Variants in UBXN8 observed in about 807,000 individuals in gnomAD.
UBXN8 encodes the protein UBX domain protein 8.
In UBXN8, 27 loss-of-function variants were observed where a neutral mutation model predicts 32.1. That is an observed-to-expected ratio of 0.84 (90% CI 0.62 to 1.16). UBXN8 has a LOEUF of 1.16. UBXN8 is among the 50% of genes most tolerant of loss of function. The pLI, the probability that UBXN8 is intolerant of heterozygous loss-of-function variation, is 0.00. For synonymous variants in UBXN8, 109 were observed against 111.8 expected, an observed-to-expected ratio of 0.98 and a Z score of 0.16; for missense variants, 306 against 311.4, an observed-to-expected ratio of 0.98 and a Z score of 0.13.
At chr8:30,753,138 G>T in intron 3 of UBXN8, 33 bp downstream of exon 3, 1 of 1,455,976 alleles carries the variant, frequency 6.9e-7, no homozygotes, top group South Asian at 1.5e-5. Context: ...TTTATGCGTA[G>T]AGAAATACAA....
At chr8:30,749,366 C>G (rs1805449950) in intron 1 of UBXN8, among the ~76,000 whole-genome samples, 2 of 146,882 alleles carry the variant, frequency 1.4e-5, no homozygotes, top group Non-Finnish European at 3.0e-5. Context: ...GCACTCCAGC[C>G]TGAGCAACAG....
At chr8:30,732,261 ACAC>A (rs1804977081), upstream of UBXN8, 1 of 395,904 alleles carries the variant, frequency 2.5e-6, no homozygotes, top group African/African-American at 2.1e-5. Flanking sequence ...TTTTGCTGGG[ACAC>A]CCCACGGCAG....
At chr8:30,762,024 T>G (rs1183383640) in intron 6 of UBXN8, among the ~76,000 whole-genome samples, 1 of 151,668 alleles carries the variant, frequency 6.6e-6, no homozygotes, top group African/African-American at 2.4e-5. Context: ...GAGAACCTAC[T>G]TCTTGGGGCT....
upstream of UBXN8, among the ~76,000 whole-genome samples, chr8:30,743,317 G>A (rs1222579568): frequency 6.6e-6 from 1 of 151,766 alleles, no homozygotes; most frequent in Non-Finnish European, 1.5e-5. Context: ...CACCACACCC[G>A]GCTAATTTTT....
rs747925643 is a variant in UBXN8, at chr8:30,756,837, A to T, written c.478A>T (p.Lys160Ter). 1.9e-6 allele frequency: 3 copies of T among 1,614,040 alleles called. No homozygotes were observed. Among genetic ancestry groups the T allele is most frequent in the East Asian group, 4.5e-5 (2 of 44,890 alleles). Residue 160 changes from lysine to a stop codon, truncating the protein, a stop_gained, in exon 5 of 8, where the codon AAA (lysine) becomes TAA (stop). Transcript: ENST00000265616. LOFTEE classifies it high-confidence loss of function. ...REAAKSQNLP[K>*]PLTEFPSPAE... ...AGCAGCAAAGAGCCAGAACTTGCCT[A>T]AACCTTTAACTGAATTTCCGTCTCC... is the stretch of plus-strand genomic sequence containing the variant.
chr8:30,745,924 A>AT (rs1373105841), intron 1 of UBXN8, among the ~76,000 whole-genome samples: 2 of 151,834 alleles, frequency 1.3e-5, no homozygotes, highest in Admixed American at 6.6e-5. Flanking sequence ...TATTTTTTGT[A>AT]TTTTTTTGCA....
upstream of UBXN8, among the ~76,000 whole-genome samples, chr8:30,730,204 C>A (rs141318270): frequency 6.6e-6 from 1 of 152,128 alleles, no homozygotes; most frequent in African/African-American, 2.4e-5. Context: ...AGACCCAAAA[C>A]GGGGATACAA....
chr8:30,754,768 G>T lies in UBXN8; in HGVS notation c.386G>T (p.Ser129Ile). The T allele has an allele frequency of 2.6e-6, 4 of 1,557,128 alleles. No homozygotes were observed. The highest frequency in any genetic ancestry group is 1.3e-5 in the South Asian group (1 of 79,238). ...ATGACGGGTGAAGCCTGGAAATTAAGCAGTGGTCACAAACTTGGGGTTGGA... is the reference window on the plus strand; with the variant it reads ...ATGACGGGTGAAGCCTGGAAATTAATCAGTGGTCACAAACTTGGGGTTGGA... ...YQMTGEAWKL[S>I]SGHKLGGDEG... The change falls in exon 4 of 8, where the codon AGC becomes ATC. Residue 129 changes from serine to isoleucine, a missense_variant. By Grantham distance (142) the Ser-to-Ile change is moderately radical. Coordinates refer to ENST00000265616, the MANE Select transcript of UBXN8 (RefSeq NM_005671.4).
chr8:30,743,241 C>T (rs1055881977), upstream of UBXN8, among the ~76,000 whole-genome samples: 1 of 151,154 alleles, frequency 6.6e-6, no homozygotes, highest in Non-Finnish European at 1.5e-5. Context: ...AAAGCAACCT[C>T]CGCATGCGGG....
chr8:30,746,737 G>T (rs1805371417), intron 1 of UBXN8, among the ~76,000 whole-genome samples: 1 of 138,350 alleles, frequency 7.2e-6, no homozygotes, highest in Admixed American at 7.3e-5. Flanking sequence ...GTTGTGCCAG[G>T]TTGGTCTCCA....
chr8:30,756,677 T>C, intron 4 of UBXN8, 88 bp from the exon 5 acceptor site: 1 of 1,549,994 alleles, frequency 6.5e-7, no homozygotes, highest in South Asian at 1.2e-5. Flanking sequence ...GCCATCAGGG[T>C]AAAAAAAGGA....
chr8:30,754,265 T>C (rs1206538638), intron 3 of UBXN8: 3 of 347,366 alleles, frequency 8.6e-6, no homozygotes, highest in African/African-American at 2.2e-5. Flanking sequence ...ACAAAGGATG[T>C]TGGCTTCCCT....
chr8:30,735,561 G>A (rs1446357468), intron 1 of UBXN8, among the ~76,000 whole-genome samples: 1 of 152,082 alleles, frequency 6.6e-6, no homozygotes, highest in East Asian at 1.9e-4. Context: ...AAACAACGCC[G>A]AGCTCAGTGG....
intron 4 of UBXN8, among the ~76,000 whole-genome samples, chr8:30,755,319 A>C (rs1805629086): frequency 6.6e-6 from 1 of 152,020 alleles, no homozygotes; most frequent in African/African-American, 2.4e-5. Flanking sequence ...GCACGATCAT[A>C]GCTCACTGCA....
intron 5 of UBXN8, among the ~76,000 whole-genome samples, chr8:30,758,792 T>C (rs1805730695): frequency 6.6e-6 from 1 of 151,610 alleles, no homozygotes; most frequent in South Asian, 2.1e-4. Context: ...CAAATGCAGG[T>C]AAGGTTAGAT....
In UBXN8 at chr8:30,751,059, C is replaced by T. The variant is rs11783628; in HGVS notation, c.89-337C>T. On this transcript the variant is annotated intron_variant, in intron 1 of 7. Coordinates refer to ENST00000265616, the MANE Select transcript of UBXN8 (RefSeq NM_005671.4). ...ATTTTATATCAGGGACTTGAGCATC[C>T]GTGGATTTTGGTATACTCAGGAGTC... Among the ~76,000 whole-genome samples the T allele has an allele frequency of 2.2e-3, 338 of 152,204 alleles. 1 individual carries two copies. Among genetic ancestry groups the T allele is most frequent in the Non-Finnish European group, 3.4e-3 (234 of 68,016 alleles).
chr8:30,764,444 A>G (rs75963388), intron 7 of UBXN8, among the ~76,000 whole-genome samples: 4 of 152,208 alleles, frequency 2.6e-5, no homozygotes, highest in Non-Finnish European at 5.9e-5. Flanking sequence ...TGTTGGGATT[A>G]CAGGCGTGAC....
At chr8:30,761,434 G>A (rs943867136) in intron 6 of UBXN8, among the ~76,000 whole-genome samples, 1 of 151,594 alleles carries the variant, frequency 6.6e-6, no homozygotes, top group African/African-American at 2.4e-5. Context: ...TAGTAGAGAC[G>A]GGGTTTTACC....
intron 6 of UBXN8, 100 bp downstream of exon 6, chr8:30,761,029 T>G (rs1005153637): frequency 2.5e-6 from 2 of 812,686 alleles, no homozygotes; most frequent in African/African-American, 3.5e-5. Flanking sequence ...TAGAAAGAAG[T>G]GATAGCATAA....
Sources: allele counts gnomAD v4.1 joint callset (sites outside exome capture counted in the v4.1 genomes callset), GRCh38; gene constraint gnomAD v4.1.1; transcripts MANE v1.5; gene names NCBI Gene and HGNC (gene_info 2026-07-23, HGNC 2026-07-21).